LAMA2: variants seen among roughly 807,000 people sequenced by gnomAD.
LAMA2 encodes laminin subunit alpha 2, also known as laminin subunit alpha-2.
A neutral mutation model predicts 364.8 loss-of-function variants in LAMA2; 269 were observed. That is an observed-to-expected ratio of 0.74 (90% confidence interval 0.67 to 0.82). The LOEUF is 0.82. Ranked by LOEUF, LAMA2 falls within the 40% of genes least tolerant of loss-of-function variation. The probability of loss-of-function intolerance (pLI) is 0.00; values close to 1 mark genes in which losing one functional copy is unlikely to be tolerated. For missense variants in LAMA2, 3,807 were observed against 3,873.2 expected, an observed-to-expected ratio of 0.98 and a Z score of 0.45; for synonymous variants, 1,379 against 1,370.6, an observed-to-expected ratio of 1.01 and a Z score of -0.14.
intron 12 of LAMA2, among the ~76,000 whole-genome samples, chr6:129,222,468 A>G (rs1163099804): frequency 6.8e-6 from 1 of 147,088 alleles, no homozygotes; most frequent in Admixed American, 6.7e-5. Flanking sequence ...CGTTAGGTAT[A>G]TCTCCTAATG....
chr6:129,343,666 G>A (rs1185577827), intron 30 of LAMA2, among the ~76,000 whole-genome samples: 2 of 152,120 alleles, frequency 1.3e-5, no homozygotes, highest in African/African-American at 2.4e-5. Context: ...ATTCCCTGGT[G>A]AGTACACTAT....
intron 1 of LAMA2, among the ~76,000 whole-genome samples, chr6:129,037,793 C>T (rs1010108062): frequency 1.3e-5 from 2 of 151,938 alleles, no homozygotes; most frequent in African/African-American, 4.8e-5. Context: ...CCTCAGCCTC[C>T]CGAGTAGCTG....
chr6:129,085,393 A>G (rs1774316060), intron 3 of LAMA2, among the ~76,000 whole-genome samples: 2 of 152,216 alleles, frequency 1.3e-5, no homozygotes, highest in Non-Finnish European at 2.9e-5. Context: ...TGTGACACTC[A>G]TAACCTGTTG....
intron 60 of LAMA2, among the ~76,000 whole-genome samples, chr6:129,503,597 A>G (rs1003083091): frequency 6.6e-6 from 1 of 152,208 alleles, no homozygotes; most frequent in African/African-American, 2.4e-5. Context: ...CGTAGAACAG[A>G]GTGTGTTCAC....
At chr6:128,892,504 A>T (rs1776521452) in intron 1 of LAMA2, among the ~76,000 whole-genome samples, 1 of 152,074 alleles carries the variant, frequency 6.6e-6, no homozygotes, top group African/African-American at 2.4e-5. Context: ...ATATGTTTAG[A>T]TAAATATATG....
chr6:129,428,606 G>A (rs1174612036), intron 41 of LAMA2, among the ~76,000 whole-genome samples: 1 of 152,058 alleles, frequency 6.6e-6, no homozygotes, highest in African/African-American at 2.4e-5. Context: ...CACCACACCT[G>A]GCTAATCTTT....
Position 129,143,924 on chromosome 6 carries a change from G to C in LAMA2, c.663G>C (p.Gly221=). Reference sequence around the variant, plus strand: ...AGATTCACATCTCTTTAATCAATGGGAGACCAAGTGCCGATGATCCTTCTC... The same window carrying C: ...AGATTCACATCTCTTTAATCAATGGCAGACCAAGTGCCGATGATCCTTCTC... The part of the protein sequence containing the change: ...NGEIHISLIN[G]RPSADDPSPE... Residue 221 remains glycine, a synonymous_variant, in exon 5 of 65, where the codon GGG becomes GGC. Transcript: ENST00000421865. 1 of 1,605,698 alleles carries C rather than the reference G, an allele frequency of 6.2e-7. No homozygotes were observed. The highest frequency in any genetic ancestry group is 8.5e-7 in the Non-Finnish European group (1 of 1,174,470).
chr6:129,371,798 C>T (rs1051726057), intron 34 of LAMA2, among the ~76,000 whole-genome samples: 1 of 151,456 alleles, frequency 6.6e-6, no homozygotes, highest in East Asian at 1.9e-4. Flanking sequence ...TTAGTAGAGA[C>T]GGGTTTCACC....
At position 129,416,609 on chromosome 6, in the gene LAMA2, G is replaced by A. The variant is rs116930307; in HGVS notation, c.5866-11143G>A. On this transcript the variant is annotated intron_variant, in intron 40 of 64. Transcript: ENST00000421865. ...CCCAGCATGTGGGGGCTTGTATAAGGGAAGTTCTGATGTCACAGGATCCTT... is the reference window on the plus strand; with the variant it reads ...CCCAGCATGTGGGGGCTTGTATAAGAGAAGTTCTGATGTCACAGGATCCTT... 1.2e-4 allele frequency among the ~76,000 whole-genome samples: 19 copies of A among 152,234 alleles called. No individual in the cohort carries two copies. In the East Asian group the frequency reaches 3.3e-3, roughly 26 times the overall value.
At chr6:129,148,907 C>T in intron 6 of LAMA2, 72 bp from the exon 7 acceptor site, 1 of 971,654 alleles carries the variant, frequency 1.0e-6, no homozygotes, top group Non-Finnish European at 1.7e-6. Flanking sequence ...CTTCATAGTA[C>T]CTTTAGAGAG....
At chr6:129,038,916 T>C (rs1336424957) in intron 1 of LAMA2, among the ~76,000 whole-genome samples, 2 of 152,228 alleles carry the variant, frequency 1.3e-5, no homozygotes, top group African/African-American at 4.8e-5. Context: ...ATGTTTTCAC[T>C]TAGCTAGTGT....
At chr6:129,436,786 T>C (rs1329856401) in intron 41 of LAMA2, 1 of 152,150 alleles carries the variant, frequency 6.6e-6, no homozygotes, top group Admixed American at 6.6e-5. Context: ...TTTATGATAA[T>C]CTTGAGTGCT....
chr6:128,916,274 C>T (rs1208578617), intron 1 of LAMA2, among the ~76,000 whole-genome samples: 1 of 152,046 alleles, frequency 6.6e-6, no homozygotes, highest in Non-Finnish European at 1.5e-5. Flanking sequence ...GAATTGAGGC[C>T]AAAACTTTTA....
At chr6:128,983,623 C>A (rs1472972119) in intron 1 of LAMA2, among the ~76,000 whole-genome samples, 1 of 152,136 alleles carries the variant, frequency 6.6e-6, no homozygotes, top group Non-Finnish European at 1.5e-5. Flanking sequence ...GGGAAAACAC[C>A]TTGCTAAAAA....
At chr6:129,024,291 A>T (rs943537257) in intron 1 of LAMA2, among the ~76,000 whole-genome samples, 2 of 151,796 alleles carry the variant, frequency 1.3e-5, no homozygotes, top group African/African-American at 4.8e-5. Context: ...AGCATGATAG[A>T]CTCAATTCTT....
chr6:129,280,742 T>C (rs1788658689), intron 18 of LAMA2, among the ~76,000 whole-genome samples: 1 of 152,226 alleles, frequency 6.6e-6, no homozygotes, highest in African/African-American at 2.4e-5. Context: ...TTCTGAAATG[T>C]TTTTGAAGAA....
At chr6:129,341,031 G>GA (rs754227523) in intron 29 of LAMA2, among the ~76,000 whole-genome samples, 36 of 152,052 alleles carry the variant, frequency 2.4e-4, no homozygotes, top group Non-Finnish European at 5.3e-4. Flanking sequence ...TTCACTGCAA[G>GA]AAATAGCATA....
chr6:128,964,947 A>G (rs1781743471), intron 1 of LAMA2, among the ~76,000 whole-genome samples: 1 of 152,006 alleles, frequency 6.6e-6, no homozygotes, highest in African/African-American at 2.4e-5. Flanking sequence ...TTCTGTGGCA[A>G]GAACAATCTA....
intron 4 of LAMA2, among the ~76,000 whole-genome samples, chr6:129,109,034 T>A (rs1162602604): frequency 6.6e-6 from 1 of 152,148 alleles, no homozygotes; most frequent in Non-Finnish European, 1.5e-5. Context: ...TGAATTTAAC[T>A]TCCTTCCAAT....
Sources: gnomAD v4.1 joint callset for allele counts (sites outside exome capture counted in the v4.1 genomes callset) on GRCh38, gnomAD v4.1.1 for gene constraint, MANE v1.5 for transcripts, NCBI Gene and HGNC (gene_info 2026-07-23, HGNC 2026-07-21) for gene names.